The following COL26A1 variants were observed in gnomAD, a reference collection of about 807,000 sequenced individuals.
COL26A1 encodes collagen alpha-1(XXVI) chain.
A neutral mutation model predicts 59.3 loss-of-function variants in COL26A1; 41 were observed. That is an observed-to-expected ratio of 0.69 (90% CI 0.54 to 0.90). The LOEUF (loss-of-function observed/expected upper bound fraction) is 0.90, where lower values mean the gene tolerates loss of function less well. Among genes scored for constraint, COL26A1 ranks in the 40% least tolerant of loss-of-function variants. The pLI is 0.00. For missense variants in COL26A1, 612 were observed against 602.3 expected (o/e 1.02, Z -0.17); for synonymous variants, 266 against 256.0 (o/e 1.04, Z -0.37).
chr7:101,387,768 A>ATTTTTTT (rs1194001209), intron 1 of COL26A1, among the ~76,000 whole-genome samples: 2 of 36,470 alleles, frequency 5.5e-5, no homozygotes, highest in African/African-American at 7.3e-5. Flanking sequence ...ATATATATAT[A>ATTTTTTT]TATATATATA....
At chr7:101,515,636 G>C (rs544929141) in intron 3 of COL26A1, among the ~76,000 whole-genome samples, 2 of 150,494 alleles carry the variant, frequency 1.3e-5, no homozygotes, top group Admixed American at 6.6e-5. Context: ...ACCCAGGCTA[G>C]AGTGCAGTGG....
chr7:101,526,272 C>T (rs1795247057), intron 3 of COL26A1, among the ~76,000 whole-genome samples: 2 of 152,028 alleles, frequency 1.3e-5, no homozygotes, highest in Admixed American at 1.3e-4. Flanking sequence ...TGGTCTTGAC[C>T]TCTCAACCTC....
chr7:101,414,054 G>A (rs935404863), intron 1 of COL26A1, among the ~76,000 whole-genome samples: 2 of 152,120 alleles, frequency 1.3e-5, no homozygotes, highest in African/African-American at 4.8e-5. Flanking sequence ...AGGCAATGGG[G>A]GTCCCCACAA....
At position 101,477,435 on chromosome 7, in the gene COL26A1, G is replaced by T. The variant is rs78342937; in HGVS notation, c.385+29648G>T. Among the ~76,000 whole-genome samples the T allele has an allele frequency of 8.4e-3, 1,272 of 152,312 alleles. 8 individuals carry two copies. Among genetic ancestry groups the T allele is most frequent in the Non-Finnish European group, 0.012 (828 of 68,024 alleles). On this transcript the variant is annotated intron_variant, in intron 3 of 12. Coordinates refer to ENST00000313669, the MANE Select transcript of COL26A1 (RefSeq NM_001278563.3). ...ATAGTATGTGTATTATAAGCCCTCA[G>T]TGACCCTCTCTTGGGCTGGTTGGAT...
At chr7:101,390,664 A>G (rs903550683) in intron 1 of COL26A1, among the ~76,000 whole-genome samples, 2 of 152,130 alleles carry the variant, frequency 1.3e-5, no homozygotes, top group Non-Finnish European at 2.9e-5. Flanking sequence ...GCCTCAAGTA[A>G]TCCTCCAGCC....
intron 2 of COL26A1, among the ~76,000 whole-genome samples, chr7:101,423,559 C>T (rs1792574750): frequency 6.6e-6 from 1 of 152,048 alleles, no homozygotes. Flanking sequence ...ATGGTGAAAT[C>T]CCATCTCTAC....
chr7:101,550,250 C>T (rs920306159), intron 9 of COL26A1, among the ~76,000 whole-genome samples: 1 of 151,966 alleles, frequency 6.6e-6, no homozygotes, highest in Non-Finnish European at 1.5e-5. Flanking sequence ...CGCTTGAGCC[C>T]GGGAGTTTGA....
chr7:101,433,757 G>A (rs1163985225), intron 2 of COL26A1, among the ~76,000 whole-genome samples: 1 of 152,092 alleles, frequency 6.6e-6, no homozygotes, highest in African/African-American at 2.4e-5. Flanking sequence ...GCAGCAACAG[G>A]AGGGAAGGCC....
rs187126443 is a variant in COL26A1 at position 101,551,035 on chromosome 7, G to C, written c.994-73G>C. 3.7e-4 allele frequency: 545 copies of C among 1,461,800 alleles called. 3 individuals are homozygous for C. In the East Asian group the frequency reaches 7.3e-3, roughly 19 times the overall value. The allele number at this position is 1,461,800 out of a possible 1,614,324, so 90.6% of individuals were successfully genotyped here. ...GACTCAGAGCACAGTGGGCGGGGAG[G>C]GGGGTGGCCAGAGGGCACTGGAGAC... is the stretch of plus-strand genomic sequence containing the variant. On this transcript the variant is annotated intron_variant, in intron 9 of 12. Transcript: ENST00000313669.
At chr7:101,441,767 G>A (rs1793063568) in intron 2 of COL26A1, among the ~76,000 whole-genome samples, 1 of 152,160 alleles carries the variant, frequency 6.6e-6, no homozygotes, top group African/African-American at 2.4e-5. Context: ...AGCACATTTG[G>A]CTCAGCAGCC....
Position 101,547,237 on chromosome 7 carries a change from C to G in COL26A1, c.938C>G (p.Pro313Arg). The change falls in exon 8 of 13, where the codon CCA becomes CGA. Residue 313 changes from proline to arginine, a missense_variant and splice_region_variant. By Grantham distance (103) the Pro-to-Arg change is moderately radical (BLOSUM62 -2). Transcript: ENST00000313669. Reference protein sequence around the residue: ...VPGPRGPPGPPGPPGPRGPPG... With the variant: ...VPGPRGPPGPRGPPGPRGPPG... ...GGACCCCGGGGTCCCCCTGGTCCAC[C>G]AGGTAAGTGAATGGTGGGCTGGCCT... 1 of 1,574,770 alleles carries G rather than the reference C, an allele frequency of 6.4e-7. No individual in the cohort carries two copies. Among genetic ancestry groups the G allele is most frequent in the East Asian group, 2.4e-5 (1 of 42,506 alleles).
At chr7:101,365,541 C>G (rs542656994) in intron 1 of COL26A1, among the ~76,000 whole-genome samples, 2 of 152,246 alleles carry the variant, frequency 1.3e-5, no homozygotes, top group African/African-American at 4.8e-5. Flanking sequence ...ATTCTCCTGC[C>G]TCAGCCTCCC....
intron 3 of COL26A1, among the ~76,000 whole-genome samples, chr7:101,469,302 T>C (rs947509460): frequency 2.0e-5 from 3 of 152,134 alleles, no homozygotes; most frequent in Non-Finnish European, 2.9e-5. Context: ...TGGTTTTTTT[T>C]CTGACTCCAA....
intron 1 of COL26A1, among the ~76,000 whole-genome samples, chr7:101,411,907 C>A (rs1792249325): frequency 6.6e-6 from 1 of 152,052 alleles, no homozygotes; most frequent in Admixed American, 6.5e-5. Flanking sequence ...CACTGCACTC[C>A]AACCTGGACA....
chr7:101,444,417 C>CTT (rs71517174), intron 2 of COL26A1, among the ~76,000 whole-genome samples: 4,627 of 137,734 alleles, frequency 0.034, 137 homozygotes, highest in African/African-American at 0.067. Flanking sequence ...TTCCTTTCTT[C>CTT]TTTTTTTTTT....
chr7:101,363,048 C>G lies in COL26A1; in HGVS notation c.16C>G (p.Leu6Val). Reference protein sequence around the residue: MKLALLLPWACCCLCG... With the variant: MKLALVLPWACCCLCG... ...GCTGCGCACGATGAAGCTGGCCCTG[C>G]TCCTGCCCTGGGCGTGTTGCTGCCT... is the stretch of plus-strand genomic sequence containing the variant. Residue 6 changes from leucine (L) to valine (V), a missense_variant, in exon 1 of 13, where the codon CTC becomes GTC. Leu to Val is a conservative substitution (Grantham distance 32, BLOSUM62 1). Coordinates refer to ENST00000313669, the MANE Select transcript of COL26A1 (RefSeq NM_001278563.3). The G allele has an allele frequency of 6.3e-7, 1 of 1,581,508 alleles. No homozygotes were observed. The highest frequency in any genetic ancestry group is 8.5e-7 in the Non-Finnish European group (1 of 1,172,700).
At chr7:101,503,954 C>G (rs1397405902) in intron 3 of COL26A1, among the ~76,000 whole-genome samples, 3 of 152,142 alleles carry the variant, frequency 2.0e-5, no homozygotes, top group Non-Finnish European at 4.4e-5. Flanking sequence ...GGAAGGGGAC[C>G]ATGTGTCACG....
intron 6 of COL26A1, 140 bp from the exon 7 acceptor site, chr7:101,545,196 CTG>C (rs1039668741): frequency 9.0e-6 from 6 of 670,156 alleles, no homozygotes; most frequent in Non-Finnish European, 1.4e-5. Flanking sequence ...CCAAGGAAGA[CTG>C]TGGATCGGAG....
At chr7:101,539,621 C>A (rs1052105892) in intron 4 of COL26A1, among the ~76,000 whole-genome samples, 40 of 152,146 alleles carry the variant, frequency 2.6e-4, no homozygotes, top group African/African-American at 9.4e-4. Context: ...AGCCACCACT[C>A]CCAGCCAGCA....
Sources: gnomAD v4.1 joint callset for allele counts (sites outside exome capture counted in the v4.1 genomes callset) on GRCh38, gnomAD v4.1.1 for gene constraint, MANE v1.5 for transcripts, NCBI Gene and HGNC (gene_info 2026-07-23, HGNC 2026-07-21) for gene names.